The following CDK14 variants were observed in gnomAD, a reference collection of about 807,000 sequenced individuals.
CDK14 encodes cyclin dependent kinase 14.
In CDK14, 34 loss-of-function variants were observed where a neutral mutation model predicts 60.7. The observed-to-expected ratio is 0.56, with a 90% CI of 0.43 to 0.75. CDK14 has a LOEUF of 0.75. CDK14 is among the 30% of genes least tolerant of loss of function. The pLI is 0.00. For missense variants in CDK14, 482 were observed against 564.1 expected (o/e 0.85, Z 1.47); for synonymous variants, 197 against 203.7 (o/e 0.97, Z 0.28).
intron 7 of CDK14, among the ~76,000 whole-genome samples, chr7:90,900,993 G>A (rs895812643): frequency 3.3e-5 from 5 of 152,054 alleles, no homozygotes; most frequent in African/African-American, 7.2e-5. Context: ...TTTACTATAC[G>A]TTCTGCTTCT....
intron 4 of CDK14, among the ~76,000 whole-genome samples, chr7:90,779,114 G>A (rs902574397): frequency 1.3e-5 from 2 of 151,946 alleles, no homozygotes; most frequent in East Asian, 1.9e-4. Context: ...TTAGCTGGGC[G>A]TGGTGGTGCA....
At chr7:91,112,490 T>C in intron 12 of CDK14, 52 bp from the exon 13 acceptor site, 1 of 1,566,512 alleles carries the variant, frequency 6.4e-7, no homozygotes. Flanking sequence ...TATGTCTTAT[T>C]TAGTGGATTT....
At chr7:90,813,125 A>C (rs1055820357) in intron 5 of CDK14, among the ~76,000 whole-genome samples, 5 of 152,222 alleles carry the variant, frequency 3.3e-5, no homozygotes, top group African/African-American at 1.2e-4. Flanking sequence ...CACTGTGCTA[A>C]GTTAAATAAC....
intron 10 of CDK14, among the ~76,000 whole-genome samples, chr7:90,995,733 C>G (rs1795663798): frequency 6.6e-6 from 1 of 152,004 alleles, no homozygotes; most frequent in African/African-American, 2.4e-5. Context: ...TCAGAATACT[C>G]TGTTTTGTCT....
intron 7 of CDK14, among the ~76,000 whole-genome samples, chr7:90,915,704 G>A (rs1430757983): frequency 6.6e-6 from 1 of 152,196 alleles, no homozygotes; most frequent in Non-Finnish European, 1.5e-5. Flanking sequence ...ATAGAATTTG[G>A]AATCAGACTC....
intron 2 of CDK14, among the ~76,000 whole-genome samples, chr7:90,703,004 T>G (rs1226120850): frequency 2.2e-5 from 3 of 138,660 alleles, no homozygotes; most frequent in African/African-American, 8.0e-5. Flanking sequence ...TGTTTTCTGT[T>G]GTTGTTGTTG....
chr7:91,098,189 T>A (rs182521832), intron 12 of CDK14, among the ~76,000 whole-genome samples: 17 of 152,312 alleles, frequency 1.1e-4, no homozygotes, highest in Admixed American at 3.3e-4. Flanking sequence ...TGTCATAAGA[T>A]AAAGAAGCTG....
chr7:90,960,287 A>C (rs1211328322), intron 9 of CDK14, among the ~76,000 whole-genome samples: 1 of 152,156 alleles, frequency 6.6e-6, no homozygotes, highest in Non-Finnish European at 1.5e-5. Context: ...CACTACCCTG[A>C]GGTATCAACT....
At chr7:91,010,418 T>G (rs1796117800) in intron 10 of CDK14, among the ~76,000 whole-genome samples, 2 of 152,134 alleles carry the variant, frequency 1.3e-5, no homozygotes, top group Non-Finnish European at 1.5e-5. Context: ...CTCAATGTAT[T>G]TATTCTATAA....
At chr7:90,809,962 G>A (rs548709820) in intron 5 of CDK14, among the ~76,000 whole-genome samples, 140 of 152,206 alleles carry the variant, frequency 9.2e-4, no homozygotes, top group African/African-American at 3.2e-3. Flanking sequence ...AGGCTCTGAA[G>A]TTCAGTCAAT....
chr7:90,848,163 A>G (rs1012990039), intron 5 of CDK14, among the ~76,000 whole-genome samples: 5 of 152,052 alleles, frequency 3.3e-5, no homozygotes, highest in African/African-American at 1.2e-4. Flanking sequence ...GTGCGGTGAC[A>G]TGATCTTGGC....
intron 14 of CDK14, among the ~76,000 whole-genome samples, chr7:91,173,391 C>T (rs977482329): frequency 8.0e-5 from 12 of 150,932 alleles, no homozygotes; most frequent in African/African-American, 2.2e-4. Flanking sequence ...CCCAGGAATT[C>T]AAGACCAGCC....
rs146082779 is a variant in CDK14 at position 90,876,590 on chromosome 7, TGC to T, written c.639+13322_639+13323del. On this transcript the variant is annotated intron_variant, in intron 6 of 14. Coordinates refer to ENST00000380050, the MANE Select transcript of CDK14 (RefSeq NM_001287135.2). ...AGTGCTGCTTCTAGGCTTTCCTCACTGCCAGTTTAGTATTCCATTTGGTTGGT... is the reference window on the plus strand; with the variant it reads ...AGTGCTGCTTCTAGGCTTTCCTCACTCAGTTTAGTATTCCATTTGGTTGGT... Among the ~76,000 whole-genome samples, 897 of 152,352 alleles carry T rather than the reference TGC, an allele frequency of 5.9e-3. 14 individuals carry two copies. Among genetic ancestry groups the T allele is most frequent in the African/African-American group, 0.02 (847 of 41,590 alleles).
intron 11 of CDK14, among the ~76,000 whole-genome samples, chr7:91,049,073 G>A (rs1292302718): frequency 6.6e-6 from 1 of 151,776 alleles, no homozygotes. Flanking sequence ...GTAGAGATAG[G>A]GGTCTTGCTA....
Position 91,103,844 on chromosome 7 carries a change from A to AAGAGAGAG in CDK14, c.1155-8681_1155-8674dup, listed in dbSNP as rs35892260. On this transcript the variant is annotated intron_variant, in intron 12 of 14. Transcript: ENST00000380050. ...GGAGACCGAGAGAGAGAGAGAGAGAAAGAGAGAGAGAGAGAGAGAGAGAGT... is the reference window on the plus strand; with the variant it reads ...GGAGACCGAGAGAGAGAGAGAGAGAAAGAGAGAGAGAGAGAGAGAGAGAGAGAGAGAGT... 2.8e-5 allele frequency among the ~76,000 whole-genome samples: 4 copies of AAGAGAGAG among 144,918 alleles called. No homozygotes were observed. The East Asian group carries it at 8.1e-4, about 29-fold the overall frequency.
In CDK14 at chr7:91,151,144, C is replaced by A. The variant is rs548462295; in HGVS notation, c.*28+32936C>A. On this transcript the variant is annotated intron_variant, in intron 14 of 14. Transcript: ENST00000380050. The stretch of plus-strand genomic sequence containing the variant: ...GGTGGGAATACTCCCTGTGTTTCTG[C>A]TTTAGTATTCAGCCTCTTGCTCTTA... Among the ~76,000 whole-genome samples the A allele has an allele frequency of 7.9e-5, 12 of 152,272 alleles. No homozygotes were observed. In the South Asian group the frequency reaches 2.5e-3, roughly 32 times the overall value.
chr7:91,007,997 A>G (rs925123450), intron 10 of CDK14, among the ~76,000 whole-genome samples: 1 of 151,934 alleles, frequency 6.6e-6, no homozygotes, highest in African/African-American at 2.4e-5. Context: ...TCAGTGAGGG[A>G]TGGTGCTGAC....
intron 2 of CDK14, among the ~76,000 whole-genome samples, chr7:90,673,266 T>C (rs956430032): frequency 6.6e-6 from 1 of 152,162 alleles, no homozygotes; most frequent in Non-Finnish European, 1.5e-5. Context: ...AACAAACATA[T>C]GGATATACTT....
chr7:91,136,895 T>G (rs1213968435), intron 14 of CDK14, among the ~76,000 whole-genome samples: 2 of 152,156 alleles, frequency 1.3e-5, no homozygotes, highest in African/African-American at 4.8e-5. Context: ...ACTTGCAGCA[T>G]GTAAAAAGAA....
Sources: allele counts gnomAD v4.1 joint callset (sites outside exome capture counted in the v4.1 genomes callset), GRCh38; gene constraint gnomAD v4.1.1; transcripts MANE v1.5; gene names NCBI Gene and HGNC (gene_info 2026-07-23, HGNC 2026-07-21).